DCAF8L2: variants seen among roughly 807,000 people sequenced by gnomAD.
DCAF8L2 encodes the protein DDB1- and CUL4-associated factor 8-like protein 2.
For missense variants in DCAF8L2, 430 were observed against 490.7 expected (o/e 0.88, Z 1.17); for synonymous variants, 200 against 190.9 (o/e 1.05, Z -0.39).
chrX:27,708,452 G>A (rs942354628), intron 3 of DCAF8L2, among the ~76,000 whole-genome samples: 2 of 111,859 alleles, frequency 1.8e-5, no homozygotes, highest in African/African-American at 6.5e-5. Context: ...GCTAAGCAGA[G>A]TCATGCCTGG....
At chrX:27,740,195 G>A (rs764840923) in intron 4 of DCAF8L2, among the ~76,000 whole-genome samples, 54 of 111,893 alleles carry the variant, frequency 4.8e-4, no homozygotes, top group Admixed American at 2.6e-3. Context: ...ACTGGTATGT[G>A]TTTCTTGCCA....
chrX:27,671,154 G>A (rs765403819), intron 2 of DCAF8L2, among the ~76,000 whole-genome samples: 7 of 111,377 alleles, frequency 6.3e-5, no homozygotes, highest in Admixed American at 2.9e-4. Flanking sequence ...AGGCATGGCC[G>A]CTTAACAATC....
chrX:27,720,573 C>T (rs1376186861), intron 4 of DCAF8L2, among the ~76,000 whole-genome samples: 1 of 110,724 alleles, frequency 9.0e-6, no homozygotes, highest in Non-Finnish European at 1.9e-5. Context: ...CGGGGTTTCA[C>T]CTTGTTAGCC....
intron 3 of DCAF8L2, among the ~76,000 whole-genome samples, chrX:27,715,315 C>G (rs1200865749): frequency 2.0e-4 from 20 of 98,119 alleles, no homozygotes; most frequent in Admixed American, 6.1e-4. Flanking sequence ...TGCAGTGAGC[C>G]AAGATCGCGC....
At chrX:27,642,956 T>C (rs923566862) in intron 2 of DCAF8L2, among the ~76,000 whole-genome samples, 1 of 111,649 alleles carries the variant, frequency 9.0e-6, no homozygotes, top group Non-Finnish European at 1.9e-5. Flanking sequence ...AGTCAAGAGA[T>C]GTCTTCACCA....
At chrX:27,473,796 C>T in the DCAF8L2 span, among the ~76,000 whole-genome samples, 8 of 111,424 alleles carry the variant, frequency 7.2e-5, no homozygotes, top group African/African-American at 2.6e-4. Flanking sequence ...ATATCAATGT[C>T]ATGTGTACTT....
chrX:27,737,025 T>A (rs1200795973), intron 4 of DCAF8L2, among the ~76,000 whole-genome samples: 1 of 111,820 alleles, frequency 8.9e-6, no homozygotes, highest in Non-Finnish European at 1.9e-5. Flanking sequence ...TAAATTTGGT[T>A]CATTGGGAAA....
chrX:27,579,729 A>G, the DCAF8L2 span, among the ~76,000 whole-genome samples: 1 of 108,897 alleles, frequency 9.2e-6, no homozygotes, highest in Non-Finnish European at 1.9e-5. Flanking sequence ...CTGTGAGGCT[A>G]TATTTTATTC....
At chrX:27,516,499 TA>T in the DCAF8L2 span, among the ~76,000 whole-genome samples, 1 of 102,452 alleles carries the variant, frequency 9.8e-6, no homozygotes, top group African/African-American at 3.8e-5. Flanking sequence ...CACACACACA[TA>T]CTCTCTCTCT....
At chrX:27,476,497 T>A in the DCAF8L2 span, among the ~76,000 whole-genome samples, 1 of 111,382 alleles carries the variant, frequency 9.0e-6, no homozygotes, top group African/African-American at 3.3e-5. Context: ...AAGGGCATAT[T>A]TAGGGGGAAA....
chrX:27,669,057 A>G (rs917163699), intron 2 of DCAF8L2, among the ~76,000 whole-genome samples: 1 of 111,483 alleles, frequency 9.0e-6, no homozygotes, highest in Non-Finnish European at 1.9e-5. Context: ...AGAGGGCCCA[A>G]TAGGATGTGA....
At chrX:27,678,420 T>C (rs953728080) in intron 3 of DCAF8L2, among the ~76,000 whole-genome samples, 15 of 111,077 alleles carry the variant, frequency 1.4e-4, no homozygotes, top group Admixed American at 3.9e-4. Flanking sequence ...AGCCAAAAGG[T>C]GGAAACAACA....
chrX:27,635,264 A>G (rs1273389321), intron 2 of DCAF8L2, among the ~76,000 whole-genome samples: 1 of 111,594 alleles, frequency 9.0e-6, no homozygotes, highest in Non-Finnish European at 1.9e-5. Context: ...ACAGTGTTTA[A>G]TAGTCAATAG....
the DCAF8L2 span, among the ~76,000 whole-genome samples, chrX:27,542,673 G>C: frequency 9.8e-6 from 1 of 102,350 alleles, no homozygotes; most frequent in South Asian, 4.7e-4. Context: ...CTCCCAAGTA[G>C]CTGGGACTAC....
chrX:27,548,944 T>C, the DCAF8L2 span, among the ~76,000 whole-genome samples: 1 of 111,467 alleles, frequency 9.0e-6, no homozygotes, highest in Non-Finnish European at 1.9e-5. Flanking sequence ...ATTTGGAAGG[T>C]CTTGAAATTT....
intron 2 of DCAF8L2, among the ~76,000 whole-genome samples, chrX:27,647,636 C>T (rs1436727540): frequency 9.0e-6 from 1 of 111,075 alleles, no homozygotes; most frequent in Non-Finnish European, 1.9e-5. Flanking sequence ...AGACTGGCAC[C>T]TTTACAGCTG....
chrX:27,567,488 T>C, the DCAF8L2 span, among the ~76,000 whole-genome samples: 4 of 98,168 alleles, frequency 4.1e-5, no homozygotes, highest in Admixed American at 3.4e-4. Context: ...GACCTTTTTT[T>C]CCCTCTAGAG....
rs773386835 is a variant in DCAF8L2 at position 27,746,559 on chromosome X, G to C, written c.-58-279G>C. Among the ~76,000 whole-genome samples the C allele has an allele frequency of 5.9e-4, 66 of 111,576 alleles. 1 individual carries two copies. The South Asian group carries it at 0.025, about 42-fold the overall frequency. On this transcript the variant is annotated intron_variant, in intron 4 of 4. Transcript: ENST00000451261. ...GTTCTCTAATAAGAACATTTTCCAAGGTGCAGCAAGTTTCGATCTTCAAAA... is the reference window on the plus strand; with the variant it reads ...GTTCTCTAATAAGAACATTTTCCAACGTGCAGCAAGTTTCGATCTTCAAAA...
At chrX:27,496,866 T>C in the DCAF8L2 span, among the ~76,000 whole-genome samples, 2 of 112,516 alleles carry the variant, frequency 1.8e-5, no homozygotes, top group Non-Finnish European at 3.7e-5. Flanking sequence ...GCTTGAAAGT[T>C]ACCATTTATG....
Sources: allele counts gnomAD v4.1 joint callset (sites outside exome capture counted in the v4.1 genomes callset), GRCh38; gene constraint gnomAD v4.1.1; transcripts MANE v1.5; gene names NCBI Gene and HGNC (gene_info 2026-07-23, HGNC 2026-07-21).